GULP1: variants seen among roughly 807,000 people sequenced by gnomAD.
GULP1 encodes the protein PTB domain-containing engulfment adapter protein 1.
GULP1 carries 19 observed loss-of-function variants against 40.9 expected under a neutral mutation model. The observed-to-expected ratio is 0.46, with a 90% confidence interval of 0.32 to 0.68. The LOEUF (loss-of-function observed/expected upper bound fraction) is 0.68. Among genes scored for constraint, GULP1 ranks in the 30% least tolerant of loss-of-function variants. GULP1 has a pLI of 0.03. For missense variants in GULP1, 312 were observed against 362.2 expected, an observed-to-expected ratio of 0.86 and a Z score of 1.12; for synonymous variants, 119 against 117.6, an observed-to-expected ratio of 1.01 and a Z score of -0.08.
rs1401043203 is a variant in GULP1, at chr2:188,584,788, A to T, written c.748+385A>T. ...AGCTGGTTAAAATATTTTTGTTATC[A>T]TAGGGTTTATGGACTTTTTTGTTAA... On this transcript the variant is annotated intron_variant, in intron 10 of 11. Coordinates refer to ENST00000409830, the MANE Select transcript of GULP1 (RefSeq NM_016315.4). 2.6e-5 allele frequency among the ~76,000 whole-genome samples: 4 copies of T among 151,924 alleles called. No homozygotes were observed. The South Asian group carries it at 6.2e-4, about 24-fold the overall frequency.
chr2:188,595,605 C>CT lies in GULP1; in HGVS notation c.*1601dup, dbSNP rs1246429554. On this transcript the variant is annotated 3_prime_UTR_variant, in exon 12 of 12. Coordinates refer to ENST00000409830, the MANE Select transcript of GULP1 (RefSeq NM_016315.4). ...GGATGTTTAGAAGCCATATAAGTGG[C>CT]TTTTTTTAACAGATAGAATTTGTAT... The CT allele has an allele frequency of 4.6e-5, 7 of 151,808 alleles. No homozygotes were observed. Among genetic ancestry groups the CT allele is most frequent in the Non-Finnish European group, 7.4e-5 (5 of 67,644 alleles). 9.4% of individuals were successfully genotyped at this position (151,808 alleles called of 1,614,324 possible). A position where few individuals can be genotyped will look rare whatever the true frequency, so the allele number is the denominator to read the frequency against.
chr2:188,399,690 GAA>G (rs55877284), intron 2 of GULP1, among the ~76,000 whole-genome samples: 9 of 64,676 alleles, frequency 1.4e-4, no homozygotes, highest in African/African-American at 5.9e-4. Context: ...GTCCCTACAA[GAA>G]AAAAAAAAAA....
chr2:188,451,092 G>T (rs1261649352), intron 2 of GULP1, among the ~76,000 whole-genome samples: 3 of 152,148 alleles, frequency 2.0e-5, no homozygotes, highest in African/African-American at 7.2e-5. Flanking sequence ...AATTAACATT[G>T]TATTTTGCTG....
chr2:188,367,771 C>T (rs2046998928), intron 1 of GULP1, among the ~76,000 whole-genome samples: 1 of 152,088 alleles, frequency 6.6e-6, no homozygotes, highest in Non-Finnish European at 1.5e-5. Flanking sequence ...CGACTCTGGA[C>T]CCAGCCATCA....
chr2:188,545,023 T>C (rs1415947438), intron 7 of GULP1, among the ~76,000 whole-genome samples: 1 of 152,000 alleles, frequency 6.6e-6, no homozygotes, highest in African/African-American at 2.4e-5. Flanking sequence ...GCAGAGAATG[T>C]GAATGGCAGT....
At chr2:188,409,816 G>A (rs2053629148) in intron 2 of GULP1, among the ~76,000 whole-genome samples, 1 of 152,132 alleles carries the variant, frequency 6.6e-6, no homozygotes. Context: ...ATATACGCAT[G>A]TAATAATGTA....
chr2:188,300,601 G>A (rs930291622), intron 1 of GULP1, among the ~76,000 whole-genome samples: 4 of 151,986 alleles, frequency 2.6e-5, no homozygotes, highest in African/African-American at 7.3e-5. Flanking sequence ...AATTTAGTTC[G>A]CTATATTCCC....
chr2:188,376,844 T>C (rs539787247), intron 1 of GULP1, among the ~76,000 whole-genome samples: 1 of 152,284 alleles, frequency 6.6e-6, no homozygotes, highest in Non-Finnish European at 1.5e-5. Context: ...TCAAATACTT[T>C]TTGACAGGAA....
intron 1 of GULP1, among the ~76,000 whole-genome samples, chr2:188,298,148 A>G (rs1321063868): frequency 1.3e-5 from 2 of 152,098 alleles, no homozygotes; most frequent in African/African-American, 2.4e-5. Flanking sequence ...GGAACTGTGT[A>G]GTAATAAAGG....
At position 188,443,685 on chromosome 2, in the gene GULP1, C is replaced by CTT. The variant is rs768289502; in HGVS notation, c.-44-33971_-44-33970dup. Among the ~76,000 whole-genome samples, 946 of 147,160 alleles carry CTT rather than the reference C, an allele frequency of 6.4e-3. 88 individuals are homozygous for CTT. In the East Asian group the frequency reaches 0.17, roughly 26 times the overall value. On this transcript the variant is annotated intron_variant, in intron 2 of 11. Coordinates refer to ENST00000409830, the MANE Select transcript of GULP1 (RefSeq NM_016315.4). Reference sequence around the variant, plus strand: ...TAGCTTAAACTGAAAAAATGAATTTCTTTTCTTTTTTTTTTTTTTGAGACA... The same window carrying CTT: ...TAGCTTAAACTGAAAAAATGAATTTCTTTTTTCTTTTTTTTTTTTTTGAGACA...
At chr2:188,426,936 T>A (rs906913068) in intron 2 of GULP1, among the ~76,000 whole-genome samples, 1 of 152,186 alleles carries the variant, frequency 6.6e-6, no homozygotes, top group Non-Finnish European at 1.5e-5. Context: ...GACAGTGATA[T>A]GAACAGTGAA....
At chr2:188,514,040 A>AGTGTGTGGGTGTGT (rs2064902726) in intron 4 of GULP1, among the ~76,000 whole-genome samples, 1 of 122,998 alleles carries the variant, frequency 8.1e-6, no homozygotes, top group Non-Finnish European at 1.7e-5. Flanking sequence ...TCCCCTTCTG[A>AGTGTGTGGGTGTGT]GTGTGTGTGT....
intron 1 of GULP1, among the ~76,000 whole-genome samples, chr2:188,361,714 C>T (rs958514061): frequency 6.6e-6 from 1 of 152,056 alleles, no homozygotes; most frequent in Non-Finnish European, 1.5e-5. Flanking sequence ...AAAATTGACA[C>T]TTATCTATTC....
chr2:188,471,223 A>G (rs1314508785), intron 2 of GULP1, among the ~76,000 whole-genome samples: 3 of 152,052 alleles, frequency 2.0e-5, no homozygotes, highest in Admixed American at 6.6e-5. Context: ...TACCTTTATT[A>G]TCAGTCTATG....
At chr2:188,463,867 A>G (rs1014525892) in intron 2 of GULP1, among the ~76,000 whole-genome samples, 11 of 151,654 alleles carry the variant, frequency 7.3e-5, no homozygotes, top group Non-Finnish European at 1.6e-4. Flanking sequence ...TAATTATTTC[A>G]ATGTCTTTTT....
At chr2:188,385,495 T>G (rs2049589657) in intron 2 of GULP1, among the ~76,000 whole-genome samples, 1 of 152,262 alleles carries the variant, frequency 6.6e-6, no homozygotes, top group South Asian at 2.1e-4. Flanking sequence ...TTTTCCCCAT[T>G]ATCTTGATGA....
At chr2:188,463,162 G>A (rs1008773606) in intron 2 of GULP1, among the ~76,000 whole-genome samples, 4 of 151,968 alleles carry the variant, frequency 2.6e-5, no homozygotes, top group Non-Finnish European at 2.9e-5. Flanking sequence ...TTTTCTTTCT[G>A]ATTTAAGTAT....
chr2:188,509,183 C>G (rs1428355186), intron 4 of GULP1, among the ~76,000 whole-genome samples: 3 of 152,064 alleles, frequency 2.0e-5, no homozygotes, highest in Non-Finnish European at 4.4e-5. Flanking sequence ...AAGCTCTACT[C>G]TGGTGCAGAG....
chr2:188,374,351 G>T (rs571866131), intron 1 of GULP1, among the ~76,000 whole-genome samples: 15 of 152,058 alleles, frequency 9.9e-5, no homozygotes, highest in South Asian at 6.2e-4. Flanking sequence ...TTATTTTGTT[G>T]TACTTGGCAG....
Sources: gnomAD v4.1 joint callset for allele counts (sites outside exome capture counted in the v4.1 genomes callset) on GRCh38, gnomAD v4.1.1 for gene constraint, MANE v1.5 for transcripts, NCBI Gene and HGNC (gene_info 2026-07-23, HGNC 2026-07-21) for gene names.